The following NCOA1 variants were observed in gnomAD, a reference collection of about 807,000 sequenced individuals.
The protein encoded by NCOA1 is nuclear receptor coactivator 1, also known as Hin-2 protein.
Under a neutral mutation model 150.9 loss-of-function variants are expected in NCOA1, and 35 were observed. The ratio of observed to expected loss-of-function variants is 0.23; its 90% CI spans 0.18 to 0.31. The LOEUF (loss-of-function observed/expected upper bound fraction) is 0.31. NCOA1 is among the 10% of genes least tolerant of loss of function. The pLI is 1.00. For synonymous variants in NCOA1, 590 were observed against 630.0 expected (o/e 0.94, Z 0.95); for missense variants, 1,491 against 1,749.3 (o/e 0.85, Z 2.63).
At chr2:24,615,469 T>C (rs1260145705) in intron 3 of NCOA1, among the ~76,000 whole-genome samples, 4 of 152,198 alleles carry the variant, frequency 2.6e-5, no homozygotes, top group Admixed American at 6.5e-5. Context: ...TATCAGAACT[T>C]AAGGAATCCT....
chr2:24,741,936 T>G lies in NCOA1; in HGVS notation c.3456T>G (p.Val1152=). The change falls in exon 19 of 23, where the codon GTT becomes GTG. Residue 1152 remains valine, a synonymous_variant. Coordinates refer to ENST00000348332, the MANE Select transcript of NCOA1 (RefSeq NM_003743.5). The stretch of plus-strand genomic sequence containing the variant: ...TCCCTCCCTCATCTGGACTACCAGT[T>G]CAAATGGGGAACCCCCGTCTTCCTC... ...NNLPPSSGLP[V]QMGNPRLPQG... is the part of the protein sequence containing the mutation. 1 of 1,614,168 alleles carries G rather than the reference T, an allele frequency of 6.2e-7. No individual in the cohort carries two copies. Among genetic ancestry groups the G allele is most frequent in the South Asian group, 1.1e-5 (1 of 91,078 alleles).
chr2:24,588,925 C>A (rs1002941336), intron 3 of NCOA1, among the ~76,000 whole-genome samples: 2 of 152,156 alleles, frequency 1.3e-5, no homozygotes, highest in African/African-American at 4.8e-5. Context: ...CTTATCTCTT[C>A]CTTTTGATGA....
chr2:24,715,768 A>C (rs1023562723), intron 14 of NCOA1, among the ~76,000 whole-genome samples: 10 of 152,218 alleles, frequency 6.6e-5, no homozygotes, highest in Non-Finnish European at 1.2e-4. Flanking sequence ...TACCATTTTC[A>C]TGGATTGTAA....
intron 1 of NCOA1, among the ~76,000 whole-genome samples, chr2:24,555,845 T>C (rs114821271): frequency 6.6e-6 from 1 of 152,252 alleles, no homozygotes; most frequent in Non-Finnish European, 1.5e-5. Flanking sequence ...GTAGATAGGA[T>C]GTAGTTGGAT....
chr2:24,668,600 T>C (rs1278033964), intron 6 of NCOA1, among the ~76,000 whole-genome samples: 1 of 152,178 alleles, frequency 6.6e-6, no homozygotes, highest in Non-Finnish European at 1.5e-5. Context: ...CCTCCAGTTA[T>C]ACCTGTTTCA....
At chr2:24,646,239 G>A (rs1341931264) in intron 4 of NCOA1, among the ~76,000 whole-genome samples, 1 of 152,088 alleles carries the variant, frequency 6.6e-6, no homozygotes, top group African/African-American at 2.4e-5. Flanking sequence ...AACATTTTAT[G>A]GAATTTGCTT....
chr2:24,739,402 A>G (rs752761287), intron 17 of NCOA1, 30 bp from the exon 18 acceptor site: 5 of 1,478,296 alleles, frequency 3.4e-6, no homozygotes, highest in Admixed American at 3.3e-5. Flanking sequence ...GTGTGTAGAA[A>G]TATATCTTAT....
chr2:24,757,928 G>T, intron 20 of NCOA1, 45 bp from the exon 21 acceptor site: 1 of 1,592,634 alleles, frequency 6.3e-7, no homozygotes, highest in Non-Finnish European at 8.6e-7. Flanking sequence ...ATATCCCCTT[G>T]TTCATGATCA....
At position 24,491,264 on chromosome 2, in the gene NCOA1, G is replaced by A. The variant is rs1217746215; in HGVS notation, c.-734G>A. ...GGGGGCGGTGGCGGCGGCGGCGGTG[G>A]CGGCCGAGGAGGAGAACATGGCGGC... is the stretch of plus-strand genomic sequence containing the variant. On this transcript the variant is annotated 5_prime_UTR_variant, in exon 1 of 23. Coordinates refer to ENST00000348332, the MANE Select transcript of NCOA1 (RefSeq NM_003743.5). Among the ~76,000 whole-genome samples, 2 of 147,088 alleles carry A rather than the reference G, an allele frequency of 1.4e-5. No homozygotes were observed. Among genetic ancestry groups the A allele is most frequent in the Non-Finnish European group, 3.0e-5 (2 of 66,150 alleles).
chr2:24,577,246 T>C (rs1363287425), intron 2 of NCOA1, among the ~76,000 whole-genome samples: 1 of 152,232 alleles, frequency 6.6e-6, no homozygotes, highest in African/African-American at 2.4e-5. Context: ...AATAAATTAG[T>C]AATCGAATAA....
At chr2:24,514,293 AAAAAAAAAAAAAAGG>A (rs2148115461) in intron 1 of NCOA1, among the ~76,000 whole-genome samples, 1 of 150,532 alleles carries the variant, frequency 6.6e-6, no homozygotes, top group Non-Finnish European at 1.5e-5. Context: ...CTCAAAAAAA[AAAAAAAAAAAAAAGG>A]AAAAAAACAA....
At chr2:24,706,048 A>G (rs1308923991) in intron 12 of NCOA1, among the ~76,000 whole-genome samples, 8 of 151,966 alleles carry the variant, frequency 5.3e-5, no homozygotes, top group Non-Finnish European at 1.2e-4. Flanking sequence ...ATGTCTGCAT[A>G]TCACTCTTTT....
At chr2:24,526,548 G>T (rs931982124) in intron 1 of NCOA1, among the ~76,000 whole-genome samples, 2 of 151,956 alleles carry the variant, frequency 1.3e-5, no homozygotes, top group Non-Finnish European at 2.9e-5. Flanking sequence ...TACTAAGATT[G>T]TGGTGAGATT....
intron 1 of NCOA1, among the ~76,000 whole-genome samples, chr2:24,542,841 T>C (rs1239218313): frequency 6.6e-6 from 1 of 152,258 alleles, no homozygotes; most frequent in Non-Finnish European, 1.5e-5. Flanking sequence ...ATAATATAAT[T>C]AGTAAACTTG....
chr2:24,576,180 T>G (rs1320894547), intron 2 of NCOA1, among the ~76,000 whole-genome samples: 24 of 95,794 alleles, frequency 2.5e-4, no homozygotes, highest in South Asian at 7.9e-4. Context: ...GTTTTTTTTT[T>G]TTTTTTTTTT....
intron 1 of NCOA1, among the ~76,000 whole-genome samples, chr2:24,546,206 T>TAA (rs201993579): frequency 2.9e-5 from 4 of 137,354 alleles, no homozygotes; most frequent in African/African-American, 8.0e-5. Flanking sequence ...TCCCATCTCT[T>TAA]AAAAAAAAAA....
rs751511815 is a variant in NCOA1, at chr2:24,658,656, T to A, written c.-17-5T>A. 2 of 1,606,072 alleles carry A rather than the reference T, an allele frequency of 1.2e-6. No individual in the cohort carries two copies. The highest frequency in any genetic ancestry group is 1.7e-6 in the Non-Finnish European group (2 of 1,172,716). On this transcript the variant is annotated splice_polypyrimidine_tract_variant and splice_region_variant and intron_variant, in intron 4 of 22. Coordinates refer to ENST00000348332, the MANE Select transcript of NCOA1 (RefSeq NM_003743.5). ...AGATTTCTTACTGTTGTCCTTCCTG[T>A]TTAGGTGTGAAGTTTTTCAACATGA...
intron 11 of NCOA1, among the ~76,000 whole-genome samples, chr2:24,699,285 A>C (rs571827964): frequency 6.6e-6 from 1 of 152,162 alleles, no homozygotes; most frequent in Non-Finnish European, 1.5e-5. Context: ...TTATTTGCCT[A>C]TAATTTACGT....
intron 2 of NCOA1, among the ~76,000 whole-genome samples, chr2:24,566,737 T>A (rs549250546): frequency 6.6e-6 from 1 of 152,334 alleles, no homozygotes; most frequent in East Asian, 1.9e-4. Flanking sequence ...CAGGCCAGCA[T>A]CGAGTCTCTC....
Sources: gnomAD v4.1 joint callset for allele counts (sites outside exome capture counted in the v4.1 genomes callset) on GRCh38, gnomAD v4.1.1 for gene constraint, MANE v1.5 for transcripts, NCBI Gene and HGNC (gene_info 2026-07-23, HGNC 2026-07-21) for gene names.